Variants in INSC observed in about 807,000 individuals in gnomAD.
INSC encodes the protein protein inscuteable homolog.
A neutral mutation model predicts 58.6 loss-of-function variants in INSC; 67 were observed. That is an observed-to-expected ratio of 1.14 (90% CI 0.94 to 1.40). The LOEUF (loss-of-function observed/expected upper bound fraction) is 1.40. INSC is among the 40% of genes most tolerant of loss of function. The pLI is 0.00. For missense variants in INSC, 714 were observed against 692.0 expected (o/e 1.03, Z -0.36); for synonymous variants, 262 against 276.1 (o/e 0.95, Z 0.51).
intron 9 of INSC, among the ~76,000 whole-genome samples, chr11:15,229,368 C>T (rs1405091569): frequency 1.3e-5 from 2 of 152,150 alleles, no homozygotes; most frequent in Non-Finnish European, 2.9e-5. Flanking sequence ...TTTTGTCTCA[C>T]ATCTCAAAAT....
chr11:15,249,835 G>A (rs1044692310), downstream of INSC, among the ~76,000 whole-genome samples: 3 of 152,198 alleles, frequency 2.0e-5, no homozygotes, highest in Non-Finnish European at 4.4e-5. Flanking sequence ...ACTATACTGG[G>A]CAGGGCATTG....
intron 2 of INSC, among the ~76,000 whole-genome samples, chr11:15,155,998 G>C (rs1378791056): frequency 6.6e-6 from 1 of 152,138 alleles, no homozygotes; most frequent in East Asian, 1.9e-4. Flanking sequence ...GGGAATGAAG[G>C]AGGCGGTCCA....
At chr11:15,157,978 G>A (rs77851666) in intron 2 of INSC, among the ~76,000 whole-genome samples, 1 of 152,136 alleles carries the variant, frequency 6.6e-6, no homozygotes, top group East Asian at 1.9e-4. Context: ...ATCTCAGCGA[G>A]GGCAGCAGCT....
chr11:15,142,800 T>C (rs1346326529), intron 1 of INSC, among the ~76,000 whole-genome samples: 1 of 152,064 alleles, frequency 6.6e-6, no homozygotes, highest in Non-Finnish European at 1.5e-5. Flanking sequence ...ACTTTCTTTT[T>C]TTTTTTGTTT....
chr11:15,141,842 G>A (rs1002114217), intron 1 of INSC, among the ~76,000 whole-genome samples: 1 of 152,102 alleles, frequency 6.6e-6, no homozygotes, highest in Non-Finnish European at 1.5e-5. Context: ...GGGCTTTAGT[G>A]CTCTGACTGA....
rs1345349930 is a variant in INSC, at chr11:15,246,540, T to C, written c.*500T>C. On this transcript the variant is annotated 3_prime_UTR_variant, in exon 13 of 13. Coordinates refer to ENST00000379556, the MANE Select transcript of INSC (RefSeq NM_001042536.3). ...ATATAAAATGTATCCCGGATTTTCT[T>C]ATTAAATTGTATTTTAAACTAGGTT... The C allele has an allele frequency of 6.5e-6, 1 of 152,786 alleles. No individual in the cohort carries two copies. The highest frequency in any genetic ancestry group is 6.5e-5 in the Admixed American group (1 of 15,302). The allele number at this position is 152,786 out of a possible 1,614,324, so 9.5% of individuals were successfully genotyped here.
At chr11:15,247,371 T>C (rs1400646506), downstream of INSC, among the ~76,000 whole-genome samples, 1 of 152,158 alleles carries the variant, frequency 6.6e-6, no homozygotes, top group South Asian at 2.1e-4. Context: ...ACAAGGTCAG[T>C]AGCTAGTAAG....
chr11:15,214,053 G>A (rs1258455123), intron 7 of INSC, among the ~76,000 whole-genome samples: 2 of 152,168 alleles, frequency 1.3e-5, no homozygotes, highest in Non-Finnish European at 2.9e-5. Context: ...TTAGCATTCT[G>A]CCTCTGACCC....
intron 7 of INSC, among the ~76,000 whole-genome samples, chr11:15,210,240 C>T (rs943795771): frequency 1.3e-5 from 2 of 152,206 alleles, no homozygotes; most frequent in Non-Finnish European, 2.9e-5. Context: ...TTTCTAATCC[C>T]TATGAGCCTC....
chr11:15,230,175 G>C (rs1042774766), intron 9 of INSC, among the ~76,000 whole-genome samples: 1 of 147,214 alleles, frequency 6.8e-6, no homozygotes, highest in Non-Finnish European at 1.5e-5. Context: ...GGATGATAGA[G>C]CCAGACCTTG....
chr11:15,263,838 T>C, the INSC span, among the ~76,000 whole-genome samples: 1 of 152,154 alleles, frequency 6.6e-6, no homozygotes. Flanking sequence ...AGACTGAAGT[T>C]CCTGTTTCTT....
At chr11:15,259,301 T>C in the INSC span, among the ~76,000 whole-genome samples, 4 of 152,146 alleles carry the variant, frequency 2.6e-5, no homozygotes, top group Non-Finnish European at 4.4e-5. Context: ...AAATTGTTAA[T>C]AGCTGGAGTT....
the INSC span, among the ~76,000 whole-genome samples, chr11:15,262,496 T>C: frequency 6.6e-6 from 1 of 151,990 alleles, no homozygotes. Context: ...TTGTCCTCAG[T>C]ATAAGGGTAA....
chr11:15,229,942 AT>A (rs1315227302), intron 9 of INSC, among the ~76,000 whole-genome samples: 1 of 5,938 alleles, frequency 1.7e-4, no homozygotes, highest in African/African-American at 3.3e-4. Context: ...TTATATATAT[AT>A]AATATTATAT....
At chr11:15,224,569 G>T (rs561703294) in intron 8 of INSC, among the ~76,000 whole-genome samples, 1 of 152,182 alleles carries the variant, frequency 6.6e-6, no homozygotes, top group Non-Finnish European at 1.5e-5. Context: ...CTGTGGTTTT[G>T]TGAAGGTGTT....
chr11:15,245,872 C>G (rs1852542202), intron 12 of INSC, 40 bp from the exon 13 acceptor site: 1 of 1,600,082 alleles, frequency 6.2e-7, no homozygotes, highest in Non-Finnish European at 8.5e-7. Context: ...CCTGACATGG[C>G]CCAGTCTGAC....
chr11:15,180,726 TC>T (rs1334273197), intron 5 of INSC, among the ~76,000 whole-genome samples: 10 of 147,824 alleles, frequency 6.8e-5, no homozygotes, highest in African/African-American at 2.5e-4. Flanking sequence ...AGTGTTGTCC[TC>T]CATTCATCTG....
chr11:15,238,985 C>T lies in INSC; in HGVS notation c.1304C>T (p.Ala435Val), dbSNP rs1478512557. ...PRSGTPAEVAACERVQQKAAV... is the reference protein window; with the variant it reads ...PRSGTPAEVAVCERVQQKAAV... ...TCTGGGACTCCTGCTGAAGTGGCAGCCTGTGAGCGAGTCCAGCAGAAAGCT... is the reference window on the plus strand; with the variant it reads ...TCTGGGACTCCTGCTGAAGTGGCAGTCTGTGAGCGAGTCCAGCAGAAAGCT... Residue 435 changes from alanine to valine, a missense_variant, in exon 11 of 13, where the codon GCC becomes GTC. Coordinates refer to ENST00000379556, the MANE Select transcript of INSC (RefSeq NM_001042536.3). 1.2e-6 allele frequency: 2 copies of T among 1,614,206 alleles called. No homozygotes were observed. Among genetic ancestry groups the T allele is most frequent in the Non-Finnish European group, 1.7e-6 (2 of 1,180,028 alleles).
chr11:15,131,627 G>A (rs1210073422), intron 1 of INSC, among the ~76,000 whole-genome samples: 1 of 151,938 alleles, frequency 6.6e-6, no homozygotes, highest in African/African-American at 2.4e-5. Flanking sequence ...ATTTTACTTT[G>A]CATATCTTAA....
Sources: gnomAD v4.1 joint callset for allele counts (sites outside exome capture counted in the v4.1 genomes callset) on GRCh38, gnomAD v4.1.1 for gene constraint, MANE v1.5 for transcripts, NCBI Gene and HGNC (gene_info 2026-07-23, HGNC 2026-07-21) for gene names.